The following SRPK2 variants were observed in gnomAD, a reference collection of about 807,000 sequenced individuals.
SRPK2 encodes the protein SRSF protein kinase 2.
A neutral mutation model predicts 90.8 loss-of-function variants in SRPK2; 21 were observed. That is an observed-to-expected ratio of 0.23 (90% CI 0.16 to 0.33). The LOEUF (loss-of-function observed/expected upper bound fraction) is 0.33, where lower values mean the gene tolerates loss of function less well. Ranked by LOEUF, SRPK2 falls within the 10% of genes least tolerant of loss-of-function variation. The pLI, the probability that SRPK2 is intolerant of heterozygous loss-of-function variation, is 1.00. For missense variants in SRPK2, 620 were observed against 869.0 expected, an observed-to-expected ratio of 0.71 and a Z score of 3.60; for synonymous variants, 288 against 311.1, an observed-to-expected ratio of 0.93 and a Z score of 0.78.
At chr7:105,327,339 A>G (rs1489086839) in intron 2 of SRPK2, among the ~76,000 whole-genome samples, 1 of 152,210 alleles carries the variant, frequency 6.6e-6, no homozygotes, top group Non-Finnish European at 1.5e-5. Context: ...TTGTTTATCT[A>G]TGGTCCATGG....
intron 15 of SRPK2, among the ~76,000 whole-genome samples, chr7:105,118,225 G>A (rs1306592684): frequency 6.6e-6 from 1 of 152,204 alleles, no homozygotes; most frequent in Non-Finnish European, 1.5e-5. Context: ...TAAGCCTGGT[G>A]GATCTAAATA....
chr7:105,343,733 ATC>A (rs764223187), intron 2 of SRPK2, among the ~76,000 whole-genome samples: 5 of 152,244 alleles, frequency 3.3e-5, no homozygotes, highest in Non-Finnish European at 7.4e-5. Context: ...ATAAATCTTT[ATC>A]TCTTAGTTTA....
chr7:105,120,961 G>A (rs1008584048), intron 15 of SRPK2, among the ~76,000 whole-genome samples: 6 of 152,166 alleles, frequency 3.9e-5, no homozygotes, highest in Non-Finnish European at 1.5e-5. Context: ...CCATCACTTA[G>A]AATGATAATT....
chr7:105,165,999 G>A (rs991939001), intron 6 of SRPK2, among the ~76,000 whole-genome samples: 9 of 152,096 alleles, frequency 5.9e-5, no homozygotes, highest in Non-Finnish European at 8.8e-5. Flanking sequence ...TGCAAGGTCC[G>A]CAGCTTCATT....
At chr7:105,170,831 GAAAGGAAGAAAGAAAGAAAGA>G (rs1790780669) in intron 3 of SRPK2, among the ~76,000 whole-genome samples, 1 of 107,390 alleles carries the variant, frequency 9.3e-6, no homozygotes, top group Non-Finnish European at 1.9e-5. Flanking sequence ...GAAAGAGAAA[GAAAGGAAGAAAGAAAGAAAGA>G]AAGAAAGAAA....
chr7:105,240,069 T>C (rs1470918158), intron 2 of SRPK2, among the ~76,000 whole-genome samples: 2 of 152,168 alleles, frequency 1.3e-5, no homozygotes, highest in Non-Finnish European at 2.9e-5. Flanking sequence ...ACCGAGTGAC[T>C]TATAAAAAAG....
At chr7:105,228,088 C>T (rs1003514066) in intron 2 of SRPK2, among the ~76,000 whole-genome samples, 3 of 152,176 alleles carry the variant, frequency 2.0e-5, no homozygotes, top group Admixed American at 6.5e-5. Context: ...GTTGCCCAGA[C>T]TGGATTGCAG....
chr7:105,316,087 C>T (rs947671816), intron 2 of SRPK2, among the ~76,000 whole-genome samples: 1 of 148,266 alleles, frequency 6.7e-6, no homozygotes, highest in African/African-American at 2.5e-5. Flanking sequence ...TGCAATGGCG[C>T]GATCTCGGCT....
At chr7:105,342,750 C>T (rs1459027892) in intron 2 of SRPK2, among the ~76,000 whole-genome samples, 3 of 152,144 alleles carry the variant, frequency 2.0e-5, no homozygotes, top group Non-Finnish European at 4.4e-5. Context: ...TCATTCTCCT[C>T]CCACACAGCC....
chr7:105,313,145 GA>G (rs942965520), intron 2 of SRPK2, among the ~76,000 whole-genome samples: 2 of 151,740 alleles, frequency 1.3e-5, no homozygotes, highest in African/African-American at 4.8e-5. Context: ...AAAAGGTAAT[GA>G]TTTTTTTTTT....
chr7:105,396,453 C>A (rs993691631), intron 1 of SRPK2, among the ~76,000 whole-genome samples: 1 of 151,636 alleles, frequency 6.6e-6, no homozygotes, highest in South Asian at 2.1e-4. Context: ...CTGGCTAACA[C>A]GGCGAAATCT....
At chr7:105,318,126 GCT>G (rs1322764775) in intron 2 of SRPK2, among the ~76,000 whole-genome samples, 34 of 152,044 alleles carry the variant, frequency 2.2e-4, no homozygotes, top group African/African-American at 7.7e-4. Context: ...ACAGAGTCTC[GCT>G]CTGTCACCCA....
intron 2 of SRPK2, chr7:105,298,862 C>T: frequency 1.1e-6 from 1 of 912,376 alleles, no homozygotes. Flanking sequence ...AGCAGTCTTT[C>T]CAGGGAGACA....
intron 2 of SRPK2, among the ~76,000 whole-genome samples, chr7:105,288,982 T>C (rs1000272674): frequency 2.3e-4 from 35 of 151,050 alleles, no homozygotes; most frequent in African/African-American, 8.5e-4. Flanking sequence ...TCCAGCCAGG[T>C]GCGGAGGCTC....
chr7:105,142,085 G>A lies in SRPK2; in HGVS notation c.1466C>T (p.Thr489Ile). The change falls in exon 11 of 16, where the codon ACT becomes ATT. Residue 489 changes from threonine (T) to isoleucine (I), a missense_variant. Transcript: ENST00000393651. ...GSVLSEGSPL[T>I]EQEESSPSHD... ...GGATGGACTGCTCTCCTCTTGCTCA[G>A]TAAGTGGTGATCCCTCAGAAAGCAC... is the stretch of plus-strand genomic sequence containing the variant. 1.2e-6 allele frequency: 2 copies of A among 1,614,156 alleles called. No homozygotes were observed. Among genetic ancestry groups the A allele is most frequent in the South Asian group, 1.1e-5 (1 of 91,076 alleles).
intron 3 of SRPK2, among the ~76,000 whole-genome samples, chr7:105,182,191 A>G (rs1374432450): frequency 6.9e-6 from 1 of 144,410 alleles, no homozygotes; most frequent in Non-Finnish European, 1.5e-5. Context: ...AGATCACACC[A>G]CTGCACTCCA....
chr7:105,362,283 T>C (rs1188386225), intron 2 of SRPK2, among the ~76,000 whole-genome samples: 10 of 151,990 alleles, frequency 6.6e-5, no homozygotes, highest in Non-Finnish European at 1.5e-4. Flanking sequence ...TGAGATACCA[T>C]CTCACACCAG....
intron 3 of SRPK2, among the ~76,000 whole-genome samples, chr7:105,188,986 A>G (rs1040777991): frequency 6.6e-6 from 1 of 152,138 alleles, no homozygotes; most frequent in African/African-American, 2.4e-5. Flanking sequence ...GGGTGGAGGG[A>G]GGAAGGGACA....
At chr7:105,303,118 G>T (rs369771065) in intron 2 of SRPK2, among the ~76,000 whole-genome samples, 1 of 152,136 alleles carries the variant, frequency 6.6e-6, no homozygotes, top group African/African-American at 2.4e-5. Flanking sequence ...TATACACCAT[G>T]GAATACTATG....
Sources: allele counts gnomAD v4.1 joint callset (sites outside exome capture counted in the v4.1 genomes callset), GRCh38; gene constraint gnomAD v4.1.1; transcripts MANE v1.5; gene names NCBI Gene and HGNC (gene_info 2026-07-23, HGNC 2026-07-21).